The following F11R variants were observed in gnomAD, a reference collection of about 807,000 sequenced individuals.
F11R encodes the protein junctional adhesion molecule A.
Under a neutral mutation model 39.3 loss-of-function variants are expected in F11R, and 27 were observed. The observed-to-expected ratio is 0.69, with a 90% CI of 0.51 to 0.95. The LOEUF (loss-of-function observed/expected upper bound fraction) is 0.95. Ranked by LOEUF, F11R falls within the 40% of genes least tolerant of loss-of-function variation. The probability of loss-of-function intolerance (pLI) is 0.00; values close to 1 mark genes in which losing one functional copy is unlikely to be tolerated. For missense variants in F11R, 335 were observed against 372.7 expected (o/e 0.90, Z 0.83); for synonymous variants, 131 against 144.9 (o/e 0.90, Z 0.69).
chr1:161,001,814 T>A (rs1351216271), intron 1 of F11R, among the ~76,000 whole-genome samples: 1 of 152,144 alleles, frequency 6.6e-6, no homozygotes. Context: ...TACTCGACAT[T>A]TGTGGAGCAT....
chr1:161,006,438 A>G (rs1211763920), intron 1 of F11R, among the ~76,000 whole-genome samples: 2 of 152,130 alleles, frequency 1.3e-5, no homozygotes, highest in Non-Finnish European at 2.9e-5. Context: ...ATACACACAA[A>G]TCACAACATG....
chr1:161,021,076 C>A lies in F11R; in HGVS notation c.-3G>T. 1 of 1,613,310 alleles carries A rather than the reference C, an allele frequency of 6.2e-7. No homozygotes were observed. The highest frequency in any genetic ancestry group is 8.5e-7 in the Non-Finnish European group (1 of 1,179,574). On this transcript the variant is annotated 5_prime_UTR_variant, in exon 1 of 10. Transcript: ENST00000368026. ...TCGACTTGCGCCTTTGTCCCCATCG[C>A]GATCAGGCTCCCGACACAACAGCCG... is the stretch of plus-strand genomic sequence containing the variant.
intron 1 of F11R, among the ~76,000 whole-genome samples, chr1:161,006,151 G>T (rs1033795497): frequency 6.6e-6 from 1 of 151,678 alleles, no homozygotes; most frequent in Non-Finnish European, 1.5e-5. Flanking sequence ...AAAAAAAGGG[G>T]GGGGGCACTT....
At chr1:161,000,941 AC>A in intron 3 of F11R, 78 bp downstream of exon 3, 1 of 1,507,308 alleles carries the variant, frequency 6.6e-7, no homozygotes, top group East Asian at 2.3e-5. Flanking sequence ...GGATAAGGGC[AC>A]AAAGTCTGGA....
intron 1 of F11R, among the ~76,000 whole-genome samples, chr1:161,011,924 C>T (rs919451064): frequency 2.0e-5 from 3 of 152,008 alleles, no homozygotes; most frequent in African/African-American, 7.3e-5. Context: ...TTTAATAAAA[C>T]AAAAAGCTTA....
intron 3 of F11R, 81 bp from the exon 4 acceptor site, chr1:161,000,858 G>C (rs555957563): frequency 3.2e-6 from 5 of 1,560,604 alleles, no homozygotes; most frequent in Non-Finnish European, 4.4e-6. Flanking sequence ...TCCAAGGTAC[G>C]CAAGTGCTCT....
At chr1:161,011,423 T>C (rs1377329423) in intron 1 of F11R, among the ~76,000 whole-genome samples, 1 of 152,030 alleles carries the variant, frequency 6.6e-6, no homozygotes, top group Non-Finnish European at 1.5e-5. Context: ...AGCCATACTT[T>C]AGGAATAATG....
chr1:161,001,441 C>T (rs1362730524), intron 1 of F11R, 88 bp from the exon 2 acceptor site: 4 of 1,119,598 alleles, frequency 3.6e-6, no homozygotes, highest in African/African-American at 1.5e-5. Flanking sequence ...GACAGGGCTT[C>T]TCCATTCACA....
chr1:161,015,651 A>C (rs1246731815), intron 1 of F11R, among the ~76,000 whole-genome samples: 1 of 150,794 alleles, frequency 6.6e-6, no homozygotes, highest in African/African-American at 2.4e-5. Context: ...AGCCTGGGCA[A>C]CAGAGTGAGA....
Position 160,999,043 on chromosome 1 carries a change from TTCACTTCGG to T in F11R, c.855_863del (p.Arg286_Glu288del). On this transcript the variant is annotated inframe_deletion and splice_region_variant, in exon 9 of 10. Transcript: ENST00000368026. ...CCCTGCCCAGGGGAGGCATACTCAC[TTCACTTCGG>T]GCACTAGGCTGGCTGTAAATCACCT... is the stretch of plus-strand genomic sequence containing the variant. 6.2e-7 allele frequency: 1 copy of T among 1,614,210 alleles called. No individual in the cohort carries two copies. Among genetic ancestry groups the T allele is most frequent in the Non-Finnish European group, 8.5e-7 (1 of 1,180,034 alleles).
intron 1 of F11R, among the ~76,000 whole-genome samples, chr1:161,002,359 A>G (rs1261269754): frequency 6.6e-6 from 1 of 152,048 alleles, no homozygotes; most frequent in East Asian, 1.9e-4. Context: ...CTACTTGCCA[A>G]ATGGAGAAAG....
At chr1:161,007,507 T>C in intron 1 of F11R, among the ~76,000 whole-genome samples, 1 of 151,966 alleles carries the variant, frequency 6.6e-6, no homozygotes, top group East Asian at 1.9e-4. Context: ...TGTTACTTAC[T>C]AGGCTATGTG....
intron 1 of F11R, among the ~76,000 whole-genome samples, chr1:161,009,525 T>C (rs973260431): frequency 3.3e-5 from 5 of 152,046 alleles, no homozygotes; most frequent in African/African-American, 1.2e-4. Flanking sequence ...ACTGAGGATG[T>C]AATTCCTGGA....
intron 1 of F11R, among the ~76,000 whole-genome samples, chr1:161,016,153 C>T (rs1292529222): frequency 6.6e-6 from 1 of 151,968 alleles, no homozygotes; most frequent in African/African-American, 2.4e-5. Context: ...GCCTGGCCAA[C>T]ATGGTGAAAA....
chr1:161,009,678 T>C (rs1378201180), intron 1 of F11R, among the ~76,000 whole-genome samples: 1 of 152,178 alleles, frequency 6.6e-6, no homozygotes, highest in African/African-American at 2.4e-5. Flanking sequence ...TTAAGTTTCC[T>C]CCCCATGGGC....
At chr1:161,002,302 G>A (rs1302873311) in intron 1 of F11R, among the ~76,000 whole-genome samples, 1 of 151,440 alleles carries the variant, frequency 6.6e-6, no homozygotes, top group African/African-American at 2.4e-5. Flanking sequence ...TGGTTCTGAG[G>A]TGAAGTTTGC....
chr1:161,006,557 A>C (rs954899048), intron 1 of F11R, among the ~76,000 whole-genome samples: 1 of 152,190 alleles, frequency 6.6e-6, no homozygotes, highest in Non-Finnish European at 1.5e-5. Context: ...GTTGGGCTAC[A>C]GGCATATTAC....
At chr1:161,003,272 T>C (rs919955817) in intron 1 of F11R, among the ~76,000 whole-genome samples, 31 of 151,698 alleles carry the variant, frequency 2.0e-4, no homozygotes, top group East Asian at 3.9e-4. Flanking sequence ...TACAGGCATG[T>C]GCCACCATGC....
At chr1:161,015,043 A>G (rs1007904321) in intron 1 of F11R, among the ~76,000 whole-genome samples, 4 of 148,410 alleles carry the variant, frequency 2.7e-5, no homozygotes, top group African/African-American at 7.5e-5. Context: ...ACGCCACTGC[A>G]CTCCAGCCTG....
Sources: gnomAD v4.1 joint callset for allele counts (sites outside exome capture counted in the v4.1 genomes callset) on GRCh38, gnomAD v4.1.1 for gene constraint, MANE v1.5 for transcripts, NCBI Gene and HGNC (gene_info 2026-07-23, HGNC 2026-07-21) for gene names.